ADAMTS3: variants seen among roughly 807,000 people sequenced by gnomAD.
ADAMTS3 encodes A disintegrin and metalloproteinase with thrombospondin motifs 3.
In ADAMTS3, 73 loss-of-function variants were observed where a neutral mutation model predicts 129.0. That is an observed-to-expected ratio of 0.57 (90% CI 0.47 to 0.69). The LOEUF is 0.69. ADAMTS3 is among the 30% of genes least tolerant of loss of function. ADAMTS3 has a pLI of 0.00. For synonymous variants in ADAMTS3, 477 were observed against 510.8 expected (o/e 0.93, Z 0.89); for missense variants, 1,457 against 1,514.5 (o/e 0.96, Z 0.63).
intron 2 of ADAMTS3, among the ~76,000 whole-genome samples, chr4:72,559,467 C>T (rs1721847701): frequency 6.6e-6 from 1 of 151,594 alleles, no homozygotes; most frequent in Non-Finnish European, 1.5e-5. Context: ...GAAGATAATA[C>T]ATGAAAACAA....
chr4:72,426,174 T>C (rs1352264485), intron 3 of ADAMTS3, among the ~76,000 whole-genome samples: 1 of 152,208 alleles, frequency 6.6e-6, no homozygotes, highest in African/African-American at 2.4e-5. Context: ...CACTTGTTGA[T>C]GGTGTTGTTT....
At chr4:72,456,773 A>C (rs757501357) in intron 3 of ADAMTS3, among the ~76,000 whole-genome samples, 1 of 151,316 alleles carries the variant, frequency 6.6e-6, no homozygotes, top group Non-Finnish European at 1.5e-5. Context: ...GCTCCTCTTT[A>C]ATTGGGGGTG....
At chr4:72,515,785 T>C (rs575824377) in intron 3 of ADAMTS3, among the ~76,000 whole-genome samples, 20 of 151,936 alleles carry the variant, frequency 1.3e-4, no homozygotes, top group African/African-American at 2.2e-4. Flanking sequence ...ATTTTGTAGG[T>C]TGCCTGTTCA....
intron 3 of ADAMTS3, among the ~76,000 whole-genome samples, chr4:72,424,810 A>G (rs1428277268): frequency 6.6e-6 from 1 of 152,084 alleles, no homozygotes; most frequent in Non-Finnish European, 1.5e-5. Flanking sequence ...CTGAAAGAAA[A>G]CTCAGAGTCA....
chr4:72,416,557 T>C (rs576423748), intron 3 of ADAMTS3, among the ~76,000 whole-genome samples: 1 of 152,320 alleles, frequency 6.6e-6, no homozygotes, highest in Non-Finnish European at 1.5e-5. Context: ...GTAGTAATGC[T>C]GATCTTCCAG....
chr4:72,348,500 G>A (rs751243182), intron 4 of ADAMTS3, among the ~76,000 whole-genome samples: 7 of 151,982 alleles, frequency 4.6e-5, no homozygotes, highest in South Asian at 2.1e-4. Context: ...GCAGCAAGCC[G>A]ACTTTCTAAA....
At chr4:72,304,750 T>G (rs1021310114) in intron 16 of ADAMTS3, among the ~76,000 whole-genome samples, 3 of 152,086 alleles carry the variant, frequency 2.0e-5, no homozygotes, top group Non-Finnish European at 2.9e-5. Flanking sequence ...TTAGATTTGT[T>G]TATCAGCATA....
At chr4:72,427,034 A>T (rs1722591570) in intron 3 of ADAMTS3, among the ~76,000 whole-genome samples, 1 of 152,170 alleles carries the variant, frequency 6.6e-6, no homozygotes, top group African/African-American at 2.4e-5. Flanking sequence ...TGCCATAACA[A>T]ATTGCCACAA....
chr4:72,414,214 T>C (rs1722250104), intron 4 of ADAMTS3, among the ~76,000 whole-genome samples: 1 of 151,896 alleles, frequency 6.6e-6, no homozygotes, highest in African/African-American at 2.4e-5. Context: ...TAATAGTAAG[T>C]TACTTTCAGG....
intron 3 of ADAMTS3, among the ~76,000 whole-genome samples, chr4:72,521,530 G>A (rs1720671779): frequency 1.3e-5 from 2 of 152,138 alleles, no homozygotes; most frequent in Non-Finnish European, 2.9e-5. Flanking sequence ...TTAGCATATT[G>A]TGTAGAATGT....
chr4:72,353,685 G>T (rs1337963746), intron 4 of ADAMTS3, among the ~76,000 whole-genome samples: 1 of 151,996 alleles, frequency 6.6e-6, no homozygotes, highest in Non-Finnish European at 1.5e-5. Context: ...TCCTTCCAAA[G>T]ATTTAATGTA....
intron 3 of ADAMTS3, among the ~76,000 whole-genome samples, chr4:72,520,806 T>C (rs1244222866): frequency 3.3e-5 from 5 of 152,102 alleles, no homozygotes; most frequent in South Asian, 2.1e-4. Context: ...AGTGAGGCAA[T>C]GCCTCCCCTT....
At chr4:72,391,344 A>T (rs1437497807) in intron 4 of ADAMTS3, among the ~76,000 whole-genome samples, 1 of 152,192 alleles carries the variant, frequency 6.6e-6, no homozygotes, top group Non-Finnish European at 1.5e-5. Flanking sequence ...GAGTTGAGAG[A>T]TGGAGAAGAA....
intron 12 of ADAMTS3, among the ~76,000 whole-genome samples, 197 bp from the exon 13 acceptor site, chr4:72,312,663 A>G (rs1191637638): frequency 2.0e-5 from 3 of 152,124 alleles, no homozygotes; most frequent in African/African-American, 7.2e-5. Context: ...AACAAAACAC[A>G]AAGCTCAACT....
chr4:72,382,017 G>A (rs897889010), intron 4 of ADAMTS3, among the ~76,000 whole-genome samples: 4 of 152,118 alleles, frequency 2.6e-5, no homozygotes, highest in African/African-American at 9.7e-5. Flanking sequence ...GCACATGTCA[G>A]TACAGCGAAG....
At chr4:72,382,319 G>A (rs907076586) in intron 4 of ADAMTS3, among the ~76,000 whole-genome samples, 2 of 148,814 alleles carry the variant, frequency 1.3e-5, no homozygotes, top group Admixed American at 6.7e-5. Flanking sequence ...TAGTAGTCAT[G>A]GATATAATTA....
intron 3 of ADAMTS3, among the ~76,000 whole-genome samples, chr4:72,420,233 C>A (rs1376954451): frequency 6.6e-6 from 1 of 152,194 alleles, no homozygotes; most frequent in Admixed American, 6.5e-5. Context: ...GCCTTCAAGA[C>A]TCCACCACCT....
chr4:72,297,300 T>A (rs920288697), intron 18 of ADAMTS3, among the ~76,000 whole-genome samples: 1 of 151,996 alleles, frequency 6.6e-6, no homozygotes, highest in Non-Finnish European at 1.5e-5. Flanking sequence ...ACCAAGTAAA[T>A]GTTGAGAGTA....
At chr4:72,310,001 AT>A (rs981314257) in intron 14 of ADAMTS3, among the ~76,000 whole-genome samples, 2 of 152,066 alleles carry the variant, frequency 1.3e-5, no homozygotes, top group African/African-American at 4.8e-5. Context: ...ATAGAAAAGC[AT>A]TTCAGGAAAG....
Sources: allele counts gnomAD v4.1 joint callset (sites outside exome capture counted in the v4.1 genomes callset), GRCh38; gene constraint gnomAD v4.1.1; transcripts MANE v1.5; gene names NCBI Gene and HGNC (gene_info 2026-07-23, HGNC 2026-07-21).